The following ZNF69 variants were observed in gnomAD, a reference collection of about 807,000 sequenced individuals.
ZNF69 encodes the protein zinc finger protein 69, also known as ZNF3.
Under a neutral mutation model 50.9 loss-of-function variants are expected in ZNF69, and 47 were observed. The observed-to-expected ratio is 0.92, with a 90% CI of 0.73 to 1.18. ZNF69 has a LOEUF of 1.18. ZNF69 is among the 50% of genes most tolerant of loss of function. The probability of loss-of-function intolerance (pLI) is 0.00; values close to 1 mark genes in which losing one functional copy is unlikely to be tolerated. For synonymous variants in ZNF69, 216 were observed against 223.1 expected, an observed-to-expected ratio of 0.97 and a Z score of 0.29; for missense variants, 717 against 675.1, an observed-to-expected ratio of 1.06 and a Z score of -0.69.
At chr19:11,896,759 T>C (rs549153316) in intron 1 of ZNF69, among the ~76,000 whole-genome samples, 6 of 152,200 alleles carry the variant, frequency 3.9e-5, no homozygotes, top group Non-Finnish European at 8.8e-5. Context: ...AACCATATTC[T>C]ATAGAGCATC....
chr19:11,889,814 A>G (rs1977039299), intron 1 of ZNF69, among the ~76,000 whole-genome samples: 4 of 152,278 alleles, frequency 2.6e-5, no homozygotes, highest in Admixed American at 2.0e-4. Flanking sequence ...TATTTTTACT[A>G]TCTTGGCGAG....
chr19:11,974,069 T>TTTTCTTTCTTTCTTTTCTTTCTTTCTTTC, the ZNF69 span, among the ~76,000 whole-genome samples: 1 of 114,776 alleles, frequency 8.7e-6, no homozygotes, highest in African/African-American at 3.2e-5. Context: ...TCCTTCTTTC[T>TTTTCTTTCTTTCTTTTCTTTCTTTCTTTC]TTTCTTTCTT....
chr19:11,965,614 A>G, the ZNF69 span, among the ~76,000 whole-genome samples: 1 of 152,226 alleles, frequency 6.6e-6, no homozygotes, highest in Non-Finnish European at 1.5e-5. Context: ...AATTAAACTG[A>G]AGTACATTAA....
the ZNF69 span, among the ~76,000 whole-genome samples, chr19:11,952,678 A>G: frequency 5.9e-5 from 9 of 152,184 alleles, no homozygotes; most frequent in Admixed American, 5.9e-4. Context: ...GAGATGACAT[A>G]CCCAGTCTCA....
chr19:11,971,392 T>C, the ZNF69 span, among the ~76,000 whole-genome samples: 1 of 152,188 alleles, frequency 6.6e-6, no homozygotes, highest in African/African-American at 2.4e-5. Context: ...CTTCTAATAC[T>C]ATAGTGGGGG....
chr19:11,970,443 A>G, the ZNF69 span, among the ~76,000 whole-genome samples: 3 of 152,236 alleles, frequency 2.0e-5, no homozygotes, highest in African/African-American at 7.2e-5. Context: ...TCCATAAAGA[A>G]AATGCATGCT....
At chr19:11,933,846 GA>G in the ZNF69 span, among the ~76,000 whole-genome samples, 11,737 of 106,554 alleles carry the variant, frequency 0.11, 1,771 homozygotes, top group African/African-American at 0.28. Flanking sequence ...CTCCATCTCA[GA>G]AAAAAAAAAA....
chr19:11,904,996 CTT>C lies in ZNF69; in HGVS notation c.602_603del (p.Phe201TyrfsTer20). Reference sequence around the variant, plus strand: ...TATGCTTGTAAAGAATGTGGAAAAACTTTTATTTCCCATTCAAGCATTCAAAG... The same window carrying C: ...TATGCTTGTAAAGAATGTGGAAAAACTTATTTCCCATTCAAGCATTCAAAG... On this transcript the variant is annotated frameshift_variant, in exon 4 of 4. Coordinates refer to ENST00000429654, the MANE Select transcript of ZNF69 (RefSeq NM_001364730.1). LOFTEE classifies it high-confidence loss of function. 4 of 1,614,124 alleles carry C rather than the reference CTT, an allele frequency of 2.5e-6. No homozygotes were observed. The South Asian group carries it at 3.3e-5, about 13-fold the overall frequency.
intron 3 of ZNF69, 148 bp downstream of exon 3, chr19:11,904,113 C>G (rs1972309623): frequency 2.7e-6 from 3 of 1,119,606 alleles, no homozygotes; most frequent in Non-Finnish European, 3.7e-6. Context: ...ATAAATGTGA[C>G]CTAGGCTGTG....
intron 1 of ZNF69, among the ~76,000 whole-genome samples, chr19:11,901,558 C>G (rs1377844966): frequency 6.6e-6 from 1 of 152,182 alleles, no homozygotes; most frequent in African/African-American, 2.4e-5. Context: ...GATCTCGGCT[C>G]ACTGCAACCT....
chr19:11,910,617 T>C (rs1972444191), downstream of ZNF69, among the ~76,000 whole-genome samples: 1 of 152,194 alleles, frequency 6.6e-6, no homozygotes, highest in South Asian at 2.1e-4. Context: ...TGGCTAGCCG[T>C]ATGTAGAAAG....
the ZNF69 span, chr19:11,978,579 GA>G: frequency 1.2e-6 from 2 of 1,614,186 alleles, no homozygotes; most frequent in Non-Finnish European, 1.7e-6. Flanking sequence ...TCTTATCCAT[GA>G]AAGAACTCAC....
At chr19:11,965,327 GTCC>G in the ZNF69 span, 8 of 1,448,182 alleles carry the variant, frequency 5.5e-6, no homozygotes, top group Admixed American at 7.7e-5. Flanking sequence ...CTGGGACCGA[GTCC>G]TCCTGGAGCT....
the ZNF69 span, among the ~76,000 whole-genome samples, chr19:11,928,220 A>G: frequency 6.6e-6 from 1 of 152,168 alleles, no homozygotes. Flanking sequence ...TCCTGGCCTC[A>G]AACAGTCCTG....
At chr19:11,910,257 T>C (rs1239996880), downstream of ZNF69, among the ~76,000 whole-genome samples, 4 of 152,200 alleles carry the variant, frequency 2.6e-5, no homozygotes, top group Admixed American at 6.5e-5. Flanking sequence ...CAAGGTAATT[T>C]GTAGATTCCA....
At chr19:11,908,445 A>G (rs1972410906), downstream of ZNF69, among the ~76,000 whole-genome samples, 1 of 152,238 alleles carries the variant, frequency 6.6e-6, no homozygotes, top group Admixed American at 6.5e-5. Flanking sequence ...CAGCAAATGT[A>G]GAAGAATAGA....
At chr19:11,947,183 C>A in the ZNF69 span, 2 of 1,613,730 alleles carry the variant, frequency 1.2e-6, no homozygotes, top group East Asian at 4.5e-5. Flanking sequence ...TGTTTCAGGA[C>A]CCAGTGGCCT....
At chr19:11,938,406 C>T in the ZNF69 span, among the ~76,000 whole-genome samples, 2 of 152,102 alleles carry the variant, frequency 1.3e-5, no homozygotes, top group Non-Finnish European at 2.9e-5. Context: ...CATGACAGGC[C>T]CCGGTGTGTG....
At chr19:11,901,411 G>A (rs528032752) in intron 1 of ZNF69, among the ~76,000 whole-genome samples, 47 of 152,134 alleles carry the variant, frequency 3.1e-4, no homozygotes, top group Non-Finnish European at 5.4e-4. Context: ...CATGCTTAGC[G>A]TTCCAAAAAG....
Sources: gnomAD v4.1 joint callset for allele counts (sites outside exome capture counted in the v4.1 genomes callset) on GRCh38, gnomAD v4.1.1 for gene constraint, MANE v1.5 for transcripts, NCBI Gene and HGNC (gene_info 2026-07-23, HGNC 2026-07-21) for gene names.